STK10: variants seen among roughly 807,000 people sequenced by gnomAD.
STK10 encodes the protein serine/threonine kinase 10, also known as serine/threonine-protein kinase 10.
Under a neutral mutation model 113.8 loss-of-function variants are expected in STK10, and 78 were observed. The observed-to-expected ratio is 0.69, with a 90% CI of 0.57 to 0.83. STK10 has a LOEUF of 0.83. STK10 is among the 40% of genes least tolerant of loss of function. STK10 has a pLI of 0.00. For synonymous variants in STK10, 465 were observed against 494.7 expected (o/e 0.94, Z 0.80); for missense variants, 1,109 against 1,280.1 (o/e 0.87, Z 2.04).
chr5:172,057,268 G>A (rs1171048838), intron 15 of STK10, 81 bp downstream of exon 15: 10 of 1,530,922 alleles, frequency 6.5e-6, no homozygotes, highest in African/African-American at 1.4e-5. Flanking sequence ...CACCCAAGAG[G>A]TGCCCCATCA....
Position 172,044,688 on chromosome 5 carries a change from T to G in STK10, c.*194A>C. On this transcript the variant is annotated 3_prime_UTR_variant, in exon 19 of 19. Transcript: ENST00000176763. The surrounding 1 kb of genome is among the most constrained non-coding windows in gnomAD (Gnocchi z 4.5). ...GGTGACAAATAATTACACCTCACCC[T>G]CCACAGGCCAGCAAGAAGTCAGGAA... The G allele has an allele frequency of 1.3e-6, 1 of 799,278 alleles. No homozygotes were observed. Among genetic ancestry groups the G allele is most frequent in the Non-Finnish European group, 2.0e-6 (1 of 502,528 alleles). The allele number at this position is 799,278 out of a possible 1,614,324, so 49.5% of individuals were successfully genotyped here.
At chr5:172,143,704 C>A (rs532408800) in intron 2 of STK10, among the ~76,000 whole-genome samples, 55 of 152,292 alleles carry the variant, frequency 3.6e-4, no homozygotes, top group Non-Finnish European at 5.0e-4. Flanking sequence ...GCAATAAGGT[C>A]ATTTGCAACA....
intron 4 of STK10, among the ~76,000 whole-genome samples, chr5:172,111,414 C>G (rs182294544): frequency 9.7e-4 from 148 of 152,334 alleles, no homozygotes; most frequent in African/African-American, 3.3e-3. Flanking sequence ...CGTAGGTCCC[C>G]AGGGCCTCCC....
At chr5:172,090,734 A>G (rs1202374098) in intron 9 of STK10, among the ~76,000 whole-genome samples, 1 of 151,930 alleles carries the variant, frequency 6.6e-6, no homozygotes, top group Admixed American at 6.6e-5. Context: ...CAGGAGTTCG[A>G]GACCAGCCTG....
At chr5:172,135,043 G>A (rs1453888375) in intron 2 of STK10, among the ~76,000 whole-genome samples, 2 of 151,972 alleles carry the variant, frequency 1.3e-5, no homozygotes, top group African/African-American at 2.4e-5. Context: ...AAATAAAAGA[G>A]CAAATAACCC....
chr5:172,167,171 AG>A lies in STK10; in HGVS notation c.157-10384del, dbSNP rs200221876. Among the ~76,000 whole-genome samples, 43 of 150,958 alleles carry A rather than the reference AG, an allele frequency of 2.8e-4. 1 individual carries two copies. The highest frequency in any genetic ancestry group is 5.1e-4 in the African/African-American group (21 of 41,178). On this transcript the variant is annotated intron_variant, in intron 1 of 18. Coordinates refer to ENST00000176763, the MANE Select transcript of STK10 (RefSeq NM_005990.4). ...AAGAATCTGTCTCAAAAAAAAAAAA[AG>A]AAAAAAAAGAAAGGCAACAAAAGAA...
intron 12 of STK10, among the ~76,000 whole-genome samples, chr5:172,068,313 C>T (rs946093800): frequency 1.3e-4 from 19 of 151,132 alleles, no homozygotes; most frequent in African/African-American, 4.6e-4. Flanking sequence ...GCACTCCAGT[C>T]TGGGCGACAG....
chr5:172,108,013 G>A, intron 4 of STK10, 161 bp from the exon 5 acceptor site: 1 of 613,194 alleles, frequency 1.6e-6, no homozygotes, highest in Non-Finnish European at 2.9e-6. Flanking sequence ...GCTGCTGAGA[G>A]GAAGTACCGA....
intron 1 of STK10, among the ~76,000 whole-genome samples, chr5:172,170,582 A>AC (rs1770650457): frequency 6.6e-6 from 1 of 152,206 alleles, no homozygotes; most frequent in African/African-American, 2.4e-5. Flanking sequence ...CTGGCCAGCC[A>AC]CCCTGGCACA....
intron 18 of STK10, among the ~76,000 whole-genome samples, chr5:172,051,665 G>A (rs761836465): frequency 6.6e-5 from 10 of 152,050 alleles, no homozygotes; most frequent in Non-Finnish European, 1.0e-4. Context: ...GATGGGTCAC[G>A]AGGGACGTTG....
At chr5:172,106,335 G>A (rs1465382775) in intron 6 of STK10, among the ~76,000 whole-genome samples, 2 of 143,868 alleles carry the variant, frequency 1.4e-5, no homozygotes, top group African/African-American at 2.5e-5. Flanking sequence ...CTAGGAGGTC[G>A]AGGTTGCAGT....
chr5:172,165,747 C>CA (rs2113827577), intron 1 of STK10, among the ~76,000 whole-genome samples: 1 of 151,968 alleles, frequency 6.6e-6, no homozygotes, highest in Admixed American at 6.5e-5. Flanking sequence ...GGCAGGCCAA[C>CA]AGGGTCGTGC....
At chr5:172,073,097 T>C (rs970934587) in intron 12 of STK10, among the ~76,000 whole-genome samples, 50 of 152,152 alleles carry the variant, frequency 3.3e-4, no homozygotes, top group African/African-American at 1.2e-3. Flanking sequence ...CACCTCAGCT[T>C]CCCAAGCAGC....
At chr5:172,053,683 G>A (rs144484366) in intron 17 of STK10, among the ~76,000 whole-genome samples, 2 of 152,374 alleles carry the variant, frequency 1.3e-5, no homozygotes, top group East Asian at 3.9e-4. Flanking sequence ...GCAGGGGGAA[G>A]TGCCTTTATC....
At chr5:172,112,907 C>T (rs551534664) in intron 4 of STK10, among the ~76,000 whole-genome samples, 3 of 152,036 alleles carry the variant, frequency 2.0e-5, no homozygotes, top group South Asian at 4.2e-4. Flanking sequence ...CCACCACGCC[C>T]GGCTAATTTT....
At chr5:172,057,004 G>GAGAGAGAGAGAGA (rs1554115578) in intron 15 of STK10, 6 of 73,394 alleles carry the variant, frequency 8.2e-5, no homozygotes, top group African/African-American at 3.0e-4. Context: ...AGAGAAAGAA[G>GAGAGAGAGAGAGA]GAAAGAAAGA....
At chr5:172,129,050 G>T (rs1456139017) in intron 2 of STK10, among the ~76,000 whole-genome samples, 1 of 152,220 alleles carries the variant, frequency 6.6e-6, no homozygotes, top group Non-Finnish European at 1.5e-5. Flanking sequence ...CCGCTCACTA[G>T]TGTGGCCTTG....
chr5:172,094,016 G>C (rs1289655199), intron 8 of STK10, 56 bp from the exon 9 acceptor site: 2 of 1,259,712 alleles, frequency 1.6e-6, no homozygotes, highest in Non-Finnish European at 1.0e-6. Context: ...TTCAAGGCAA[G>C]AGTCAGAGAT....
intron 7 of STK10, among the ~76,000 whole-genome samples, chr5:172,098,182 C>T (rs1243310177): frequency 2.0e-5 from 3 of 152,228 alleles, no homozygotes; most frequent in African/African-American, 7.2e-5. Flanking sequence ...CTGGAAAACA[C>T]ATTCAGAACG....
Sources: allele counts gnomAD v4.1 joint callset (sites outside exome capture counted in the v4.1 genomes callset), GRCh38; gene constraint gnomAD v4.1.1; non-coding constraint Gnocchi (gnomAD v3.1); transcripts MANE v1.5; gene names NCBI Gene and HGNC (gene_info 2026-07-23, HGNC 2026-07-21).